SND1: variants seen among roughly 807,000 people sequenced by gnomAD.
SND1 encodes the protein staphylococcal nuclease domain-containing protein 1.
Under a neutral mutation model 121.7 loss-of-function variants are expected in SND1, and 38 were observed. The observed-to-expected ratio is 0.31, with a 90% CI of 0.24 to 0.41. The LOEUF (loss-of-function observed/expected upper bound fraction) is 0.41, where lower values mean the gene tolerates loss of function less well. Among genes scored for constraint, SND1 ranks in the 10% least tolerant of loss-of-function variants. The pLI is 1.00. For synonymous variants in SND1, 401 were observed against 447.4 expected (o/e 0.90, Z 1.31); for missense variants, 868 against 1,184.6 (o/e 0.73, Z 3.92).
chr7:127,985,129 T>C (rs555343040), intron 15 of SND1, among the ~76,000 whole-genome samples: 18 of 152,246 alleles, frequency 1.2e-4, no homozygotes, highest in Admixed American at 7.2e-4. Flanking sequence ...CCTTCTGCAC[T>C]GACTTCCCAT....
At chr7:127,843,708 C>T (rs938451846) in intron 11 of SND1, among the ~76,000 whole-genome samples, 4 of 152,172 alleles carry the variant, frequency 2.6e-5, no homozygotes, top group Non-Finnish European at 4.4e-5. Context: ...TATCCATGGG[C>T]AGGTTTTGTG....
chr7:127,823,366 A>G (rs1798583609), intron 11 of SND1, among the ~76,000 whole-genome samples: 1 of 152,072 alleles, frequency 6.6e-6, no homozygotes, highest in Non-Finnish European at 1.5e-5. Flanking sequence ...TGGCCTTGGG[A>G]AGGGGGAGCT....
chr7:127,722,170 A>G (rs925907109), intron 10 of SND1, among the ~76,000 whole-genome samples: 10 of 152,192 alleles, frequency 6.6e-5, no homozygotes, highest in African/African-American at 2.2e-4. Context: ...TCTGATAACT[A>G]AACTGTGTGA....
At chr7:127,955,632 GC>G (rs1801574489) in intron 15 of SND1, among the ~76,000 whole-genome samples, 1 of 152,048 alleles carries the variant, frequency 6.6e-6, no homozygotes, top group Non-Finnish European at 1.5e-5. Context: ...TGTTCAACCT[GC>G]CCCCCAGTCC....
At chr7:127,849,939 G>T (rs777069572) in intron 12 of SND1, among the ~76,000 whole-genome samples, 3 of 152,286 alleles carry the variant, frequency 2.0e-5, no homozygotes, top group South Asian at 4.1e-4. Flanking sequence ...CCATGCAGCA[G>T]CTTCAAGGCC....
At chr7:127,991,140 G>C (rs1035581856) in intron 16 of SND1, 84 bp downstream of exon 16, 1 of 935,808 alleles carries the variant, frequency 1.1e-6, no homozygotes, top group Non-Finnish European at 1.7e-6. Context: ...AGATCAGTCT[G>C]TTGTTTTTTC....
intron 16 of SND1, among the ~76,000 whole-genome samples, chr7:128,003,383 C>A (rs1802882974): frequency 6.6e-6 from 1 of 152,098 alleles, no homozygotes; most frequent in Non-Finnish European, 1.5e-5. Flanking sequence ...TGCTGTTTTC[C>A]TTTTCAGCTT....
intron 15 of SND1, among the ~76,000 whole-genome samples, chr7:127,946,266 G>A (rs560142048): frequency 9.8e-5 from 15 of 152,334 alleles, no homozygotes; most frequent in African/African-American, 3.6e-4. Flanking sequence ...GAGCAAGAGA[G>A]AGCAGGTCAG....
At chr7:128,021,352 A>G (rs1273276952) in intron 16 of SND1, among the ~76,000 whole-genome samples, 3 of 152,208 alleles carry the variant, frequency 2.0e-5, no homozygotes, top group Non-Finnish European at 2.9e-5. Flanking sequence ...CTCCAAACAC[A>G]GCTGCATGAT....
chr7:127,839,403 T>C (rs1198585774), intron 11 of SND1, among the ~76,000 whole-genome samples: 2 of 152,198 alleles, frequency 1.3e-5, no homozygotes, highest in East Asian at 1.9e-4. Context: ...AAGCTCAGGC[T>C]ACAACCTGGA....
chr7:127,811,746 C>T (rs1798338680), intron 11 of SND1, among the ~76,000 whole-genome samples: 1 of 152,200 alleles, frequency 6.6e-6, no homozygotes, highest in South Asian at 2.1e-4. Context: ...GCTAGGTTGG[C>T]AACCCAACTA....
intron 16 of SND1, among the ~76,000 whole-genome samples, chr7:128,068,151 A>G (rs1390006394): frequency 6.6e-6 from 1 of 152,040 alleles, no homozygotes; most frequent in African/African-American, 2.4e-5. Flanking sequence ...GACACAGCTA[A>G]ATCAACCCCC....
At chr7:128,013,171 G>A (rs988979048) in intron 16 of SND1, among the ~76,000 whole-genome samples, 7 of 152,180 alleles carry the variant, frequency 4.6e-5, no homozygotes, top group African/African-American at 1.4e-4. Context: ...GGCCTCATCT[G>A]TGTTTCTTCA....
intron 10 of SND1, among the ~76,000 whole-genome samples, chr7:127,776,072 G>A (rs890121271): frequency 4.6e-5 from 7 of 152,156 alleles, no homozygotes; most frequent in Non-Finnish European, 1.5e-5. Flanking sequence ...ACAACACTGG[G>A]CACCAAGTGT....
chr7:127,932,409 G>A (rs1464453517), intron 15 of SND1, among the ~76,000 whole-genome samples: 1 of 152,230 alleles, frequency 6.6e-6, no homozygotes, highest in Non-Finnish European at 1.5e-5. Flanking sequence ...CAGATGAAGA[G>A]TTGCATCTTA....
intron 16 of SND1, among the ~76,000 whole-genome samples, chr7:128,033,163 G>C (rs1268057118): frequency 6.6e-6 from 1 of 152,198 alleles, no homozygotes; most frequent in Non-Finnish European, 1.5e-5. Flanking sequence ...AGCAGCCAGG[G>C]GTAGCGATTG....
chr7:127,941,899 T>G (rs1228438274), intron 15 of SND1, among the ~76,000 whole-genome samples: 68 of 145,364 alleles, frequency 4.7e-4, no homozygotes, highest in African/African-American at 1.3e-3. Flanking sequence ...GTTTTTTTTT[T>G]TTTTTTTTTT....
chr7:127,888,659 A>G (rs77452539), intron 13 of SND1, among the ~76,000 whole-genome samples: 3,430 of 152,226 alleles, frequency 0.023, 54 homozygotes, highest in Non-Finnish European at 0.036. Flanking sequence ...GTAGTGTGGT[A>G]GTTGAGTGAT....
chr7:127,914,770 G>T (rs1475561591), intron 14 of SND1, among the ~76,000 whole-genome samples: 1 of 152,110 alleles, frequency 6.6e-6, no homozygotes, highest in Non-Finnish European at 1.5e-5. Flanking sequence ...GCAGTATGGG[G>T]TCATGATTAT....
Sources: allele counts gnomAD v4.1 joint callset (sites outside exome capture counted in the v4.1 genomes callset), GRCh38; gene constraint gnomAD v4.1.1; transcripts MANE v1.5; gene names NCBI Gene and HGNC (gene_info 2026-07-23, HGNC 2026-07-21).